Variants in CLN6 observed in about 807,000 individuals in gnomAD.
CLN6 encodes CLN6 transmembrane ER protein.
In CLN6, 22 loss-of-function variants were observed where a neutral mutation model predicts 33.3. The ratio of observed to expected loss-of-function variants is 0.66; its 90% CI spans 0.47 to 0.94. The LOEUF (loss-of-function observed/expected upper bound fraction) is 0.94, where lower values mean the gene tolerates loss of function less well. Among genes scored for constraint, CLN6 ranks in the 40% least tolerant of loss-of-function variants. CLN6 has a pLI of 0.00. For synonymous variants in CLN6, 201 were observed against 174.6 expected (o/e 1.15, Z -1.19); for missense variants, 387 against 417.1 (o/e 0.93, Z 0.63).
In CLN6 at chr15:68,236,273, C is replaced by A. The variant is rs1415594332; in HGVS notation, c.180-17623G>T. Among the ~76,000 whole-genome samples, 1 of 151,882 alleles carries A rather than the reference C, an allele frequency of 6.6e-6. No individual in the cohort carries two copies. The highest frequency in any genetic ancestry group is 2.4e-5 in the African/African-American group (1 of 41,328). ...GCTTTTAGGTATAGGACCAAGAGCT[C>A]TGAAAAAAAAGTCCACAGAAAAACT... On this transcript the variant is annotated intron_variant, in intron 1 of 6. Transcript: ENST00000538696. The surrounding 1 kb of genome is among the most constrained non-coding windows in gnomAD (Gnocchi z 4.5).
At chr15:68,255,590 T>C (rs1415072635) in intron 1 of CLN6, among the ~76,000 whole-genome samples, 1 of 152,218 alleles carries the variant, frequency 6.6e-6, no homozygotes, top group Non-Finnish European at 1.5e-5. Context: ...TGATTTTTGG[T>C]AGTCCTTTGA....
intron 1 of CLN6, among the ~76,000 whole-genome samples, chr15:68,237,818 C>T (rs1295785189): frequency 6.6e-6 from 1 of 152,188 alleles, no homozygotes; most frequent in Non-Finnish European, 1.5e-5. Context: ...AAAAGAAAGA[C>T]AGCACATATC....
At chr15:68,250,823 C>A (rs139605672) in intron 1 of CLN6, among the ~76,000 whole-genome samples, 2 of 152,082 alleles carry the variant, frequency 1.3e-5, no homozygotes, top group Admixed American at 6.5e-5. Flanking sequence ...ATGTGAACTA[C>A]TTTCAAATCA....
In CLN6 at chr15:68,218,651, C is replaced by T. The variant is rs1064796787; in HGVS notation, c.84-1G>A. ...CTCATCAGCGCTCACAGAGCCATGCCTGGGAAGGAACCAGACGAGAGAAGT... is the reference window on the plus strand; with the variant it reads ...CTCATCAGCGCTCACAGAGCCATGCTTGGGAAGGAACCAGACGAGAGAAGT... On this transcript the variant is annotated splice_acceptor_variant, in intron 1 of 6. Transcript: ENST00000249806. LOFTEE classifies it high-confidence loss of function. 3 of 1,612,176 alleles carry T rather than the reference C, an allele frequency of 1.9e-6. No individual in the cohort carries two copies. The highest frequency in any genetic ancestry group is 3.3e-5 in the Admixed American group (2 of 60,012).
chr15:68,214,215 G>T, intron 3 of CLN6, 75 bp downstream of exon 3: 1 of 1,141,400 alleles, frequency 8.8e-7, no homozygotes. Context: ...CAGGACACAG[G>T]GCTTAGCATC....
chr15:68,236,445 T>C lies in CLN6; in HGVS notation c.180-17795A>G, dbSNP rs1351131634. ...TATAAGAAGGCACTAAGTACTGATG[T>C]AACATGGTTCAACCTTGGAAACATT... On this transcript the variant is annotated intron_variant, in intron 1 of 6. Coordinates refer to the CLN6 transcript ENST00000538696. The surrounding 1 kb of genome is among the most constrained non-coding windows in gnomAD (Gnocchi z 4.5). Among the ~76,000 whole-genome samples, 1 of 152,264 alleles carries C rather than the reference T, an allele frequency of 6.6e-6. No homozygotes were observed. The highest frequency in any genetic ancestry group is 1.5e-5 in the Non-Finnish European group (1 of 68,044).
intron 1 of CLN6, among the ~76,000 whole-genome samples, chr15:68,239,114 A>T (rs181059124): frequency 2.4e-4 from 37 of 152,252 alleles, no homozygotes; most frequent in African/African-American, 7.9e-4. Flanking sequence ...GAAAATGTGT[A>T]ACTTCCATAC....
At chr15:68,218,850 C>G (rs1269993475) in intron 1 of CLN6, among the ~76,000 whole-genome samples, 200 bp from the exon 2 acceptor site, 1 of 152,056 alleles carries the variant, frequency 6.6e-6, no homozygotes, top group Non-Finnish European at 1.5e-5. Flanking sequence ...GCTGCCCCGA[C>G]CTTAGCTTCT....
upstream of CLN6, among the ~76,000 whole-genome samples, chr15:68,233,837 A>G (rs73425881): frequency 0.074 from 11,298 of 152,260 alleles, 1,170 homozygotes; most frequent in African/African-American, 0.23. This position sits in a 1 kb window ranked among gnomAD's most constrained non-coding sequence, Gnocchi z 4.3. Context: ...ACAGACAGCA[A>G]GGGACTGGGG....
In CLN6 at chr15:68,236,999, T is replaced by C. The variant is rs1294981917; in HGVS notation, c.180-18349A>G. ...GGTGAAACCCCGTCTCTACTAAAAATACAAAAAATTAGCCGGGCGCGGTGG... is the reference window on the plus strand; with the variant it reads ...GGTGAAACCCCGTCTCTACTAAAAACACAAAAAATTAGCCGGGCGCGGTGG... On this transcript the variant is annotated intron_variant, in intron 1 of 6. Transcript: ENST00000538696. The surrounding 1 kb of genome is among the most constrained non-coding windows in gnomAD (Gnocchi z 4.5). 6.7e-6 allele frequency among the ~76,000 whole-genome samples: 1 copy of C among 148,492 alleles called. No individual in the cohort carries two copies. Among genetic ancestry groups the C allele is most frequent in the Non-Finnish European group, 1.5e-5 (1 of 67,270 alleles).
At chr15:68,252,098 C>T (rs144217637) in intron 1 of CLN6, among the ~76,000 whole-genome samples, 25 of 151,662 alleles carry the variant, frequency 1.6e-4, no homozygotes, top group African/African-American at 4.6e-4. Context: ...CTCAGCCTCC[C>T]GAGTAGCTGG....
chr15:68,243,581 C>T (rs11071997), intron 1 of CLN6, among the ~76,000 whole-genome samples: 38,937 of 151,668 alleles, frequency 0.26, 5,768 homozygotes, highest in Non-Finnish European at 0.34. Flanking sequence ...ATGGTGAAAC[C>T]GCATCTCTAC....
rs1348674077 is a variant in CLN6 at position 68,211,344 on chromosome 15, G to GT, written c.487-27dup. ...CTGAGGGAGGAACGGGCAGGGCAGA[G>GT]TCGGGGGATGTCGATGTCAGTCCAG... On this transcript the variant is annotated intron_variant, in intron 4 of 6. Transcript: ENST00000249806. This position sits in a 1 kb window ranked among gnomAD's most constrained non-coding sequence, Gnocchi z 5.9. The GT allele has an allele frequency of 1.2e-6, 2 of 1,613,050 alleles. No individual in the cohort carries two copies. The highest frequency in any genetic ancestry group is 1.7e-6 in the Non-Finnish European group (2 of 1,179,434).
chr15:68,223,824 TC>T (rs1327545358), intron 1 of CLN6, among the ~76,000 whole-genome samples: 3 of 151,256 alleles, frequency 2.0e-5, no homozygotes, highest in African/African-American at 7.3e-5. Context: ...GGTGTACAGA[TC>T]ACCTGAGGTC....
intron 1 of CLN6, chr15:68,255,063 G>T: frequency 1.7e-6 from 1 of 593,048 alleles, no homozygotes. Flanking sequence ...TGGGAAAGGG[G>T]CATATGTCAC....
Position 68,228,517 on chromosome 15 carries a change from A to G in CLN6, c.83+985T>C, listed in dbSNP as rs943423401. Among the ~76,000 whole-genome samples the G allele has an allele frequency of 2.0e-5, 3 of 152,152 alleles. No homozygotes were observed. The highest frequency in any genetic ancestry group is 1.9e-4 in the East Asian group (1 of 5,188). On this transcript the variant is annotated intron_variant, in intron 1 of 6. Coordinates refer to ENST00000249806, the MANE Select transcript of CLN6 (RefSeq NM_017882.3). This position sits in a 1 kb window ranked among gnomAD's most constrained non-coding sequence, Gnocchi z 4.4. ...CAACTCGAGTCCTAGACTTGCTGCA[A>G]TTAAAGGCCCTTCACAATCAGTCTG...
chr15:68,207,323 G>A lies in CLN6; in HGVS notation c.*817C>T, dbSNP rs8142. 0.5 allele frequency: 76,500 copies of A among 152,448 alleles called. 19,747 individuals carry two copies. The highest frequency in any genetic ancestry group is 0.56 in the Non-Finnish European group (37,952 of 68,218). The allele number at this position is 152,448 out of a possible 1,614,324, so 9.4% of individuals were successfully genotyped here. A position where few individuals can be genotyped will look rare whatever the true frequency, so the allele number is the denominator to read the frequency against. On this transcript the variant is annotated 3_prime_UTR_variant, in exon 7 of 7. Transcript: ENST00000249806. ...AGCCTGTGGCTAGGCTGCCCGAAGC[G>A]CGTGCCGCAGTTCTTCTGGAGTGGG...
intron 1 of CLN6, 85 bp downstream of exon 1, chr15:68,229,417 G>T: frequency 9.1e-7 from 1 of 1,102,480 alleles, no homozygotes; most frequent in Non-Finnish European, 1.2e-6. Flanking sequence ...TTCCCGCCCG[G>T]CAGCCCTAGG....
At chr15:68,234,587 C>T (rs540798440), upstream of CLN6, among the ~76,000 whole-genome samples, 2 of 152,328 alleles carry the variant, frequency 1.3e-5, no homozygotes, top group Admixed American at 1.3e-4. The surrounding 1 kb of genome is among the most constrained non-coding windows in gnomAD (Gnocchi z 4.1). Flanking sequence ...CCCATGACAG[C>T]CCAGAGCTGA....
Sources: allele counts gnomAD v4.1 joint callset (sites outside exome capture counted in the v4.1 genomes callset), GRCh38; gene constraint gnomAD v4.1.1; non-coding constraint Gnocchi (gnomAD v3.1); transcripts MANE v1.5; gene names NCBI Gene and HGNC (gene_info 2026-07-23, HGNC 2026-07-21).